TENM3: variants seen among roughly 807,000 people sequenced by gnomAD.
TENM3 encodes teneurin transmembrane protein 3.
A neutral mutation model predicts 255.1 loss-of-function variants in TENM3; 63 were observed. The observed-to-expected ratio is 0.25, with a 90% confidence interval of 0.20 to 0.30. TENM3 has a LOEUF of 0.30. Ranked by LOEUF, TENM3 falls within the 10% of genes least tolerant of loss-of-function variation. The pLI is 1.00. For missense variants in TENM3, 2,929 were observed against 3,461.1 expected (o/e 0.85, Z 3.86); for synonymous variants, 1,306 against 1,322.3 (o/e 0.99, Z 0.27).
chr4:181,909,700 T>C, the TENM3 span, among the ~76,000 whole-genome samples: 421 of 152,122 alleles, frequency 2.8e-3, no homozygotes, highest in African/African-American at 9.6e-3. Context: ...CCAATCCTTT[T>C]ATGTCTACAC....
the TENM3 span, among the ~76,000 whole-genome samples, chr4:182,041,493 T>C: frequency 1.3e-5 from 2 of 152,214 alleles, no homozygotes; most frequent in African/African-American, 4.8e-5. Context: ...CCTGCAAACA[T>C]TGTTCCTATG....
At chr4:182,633,858 G>T (rs1239121020) in intron 5 of TENM3, among the ~76,000 whole-genome samples, 1 of 152,186 alleles carries the variant, frequency 6.6e-6, no homozygotes, top group African/African-American at 2.4e-5. Context: ...GAGTGAAAAG[G>T]AGTCACATTT....
At chr4:182,521,441 G>T (rs1738560707) in intron 3 of TENM3, among the ~76,000 whole-genome samples, 2 of 152,176 alleles carry the variant, frequency 1.3e-5, no homozygotes, top group South Asian at 4.1e-4. Flanking sequence ...TTGGAACAAT[G>T]CTTTTTCATA....
chr4:182,227,637 CTT>C (rs531262242), intron 1 of TENM3, among the ~76,000 whole-genome samples: 21 of 127,234 alleles, frequency 1.7e-4, no homozygotes, highest in African/African-American at 2.6e-4. Flanking sequence ...ATGTGCAGGG[CTT>C]TTTTTTTTTT....
chr4:182,563,452 C>A (rs1344072913), intron 3 of TENM3, among the ~76,000 whole-genome samples: 1 of 151,912 alleles, frequency 6.6e-6, no homozygotes, highest in Non-Finnish European at 1.5e-5. Flanking sequence ...AGAATTTAGG[C>A]TTAGAGAGGG....
At chr4:181,963,843 G>A in the TENM3 span, among the ~76,000 whole-genome samples, 241 of 152,240 alleles carry the variant, frequency 1.6e-3, no homozygotes, top group Middle Eastern at 6.8e-3. Flanking sequence ...TTCATAAAGA[G>A]TCCCGTGTGT....
chr4:181,571,790 A>G, the TENM3 span, among the ~76,000 whole-genome samples: 1 of 152,216 alleles, frequency 6.6e-6, no homozygotes, highest in Non-Finnish European at 1.5e-5. Flanking sequence ...TTTATTAGGC[A>G]TAACTTACAA....
At chr4:181,712,492 A>G in the TENM3 span, among the ~76,000 whole-genome samples, 9 of 152,164 alleles carry the variant, frequency 5.9e-5, no homozygotes, top group Non-Finnish European at 1.2e-4. Flanking sequence ...AGCATAGCCG[A>G]TGCCAGTATC....
chr4:182,477,942 AC>A (rs1733833664), intron 3 of TENM3, among the ~76,000 whole-genome samples: 1 of 152,182 alleles, frequency 6.6e-6, no homozygotes, highest in Non-Finnish European at 1.5e-5. Flanking sequence ...CTAATTTGGT[AC>A]AAAGCAGAAC....
chr4:182,597,185 T>C (rs1413282016), intron 3 of TENM3, among the ~76,000 whole-genome samples: 1 of 152,146 alleles, frequency 6.6e-6, no homozygotes. Context: ...GGAGGATCGC[T>C]TGAGCCCAGG....
chr4:182,541,647 A>C (rs1237510254), intron 3 of TENM3, among the ~76,000 whole-genome samples: 1 of 152,230 alleles, frequency 6.6e-6, no homozygotes, highest in Non-Finnish European at 1.5e-5. Context: ...CATTACTAGC[A>C]ATTCAGCACT....
chr4:181,574,601 G>A, the TENM3 span, among the ~76,000 whole-genome samples: 27,619 of 151,956 alleles, frequency 0.18, 2,819 homozygotes, highest in Non-Finnish European at 0.24. Flanking sequence ...AAGTAAGTGA[G>A]TTCAACAAAG....
the TENM3 span, among the ~76,000 whole-genome samples, chr4:181,461,633 G>A: frequency 1.6e-3 from 241 of 152,140 alleles, no homozygotes; most frequent in South Asian, 0.012. Flanking sequence ...CTATTGCAAT[G>A]TATTATCTGC....
intron 4 of TENM3, among the ~76,000 whole-genome samples, chr4:182,612,499 A>C (rs537468657): frequency 6.6e-6 from 1 of 152,294 alleles, no homozygotes; most frequent in East Asian, 1.9e-4. Flanking sequence ...AATATTATAA[A>C]AGCTTAATAT....
intron 3 of TENM3, among the ~76,000 whole-genome samples, chr4:182,523,284 T>C (rs149144831): frequency 4.8e-4 from 73 of 152,230 alleles, no homozygotes; most frequent in African/African-American, 1.7e-3. Context: ...ACACAGTTCA[T>C]AGACCAAAGG....
the TENM3 span, among the ~76,000 whole-genome samples, chr4:181,896,673 T>C: frequency 7.2e-5 from 11 of 152,284 alleles, no homozygotes; most frequent in Admixed American, 2.0e-4. Context: ...TGGGGTGTAT[T>C]TGATGAGAGT....
intron 3 of TENM3, among the ~76,000 whole-genome samples, chr4:182,554,779 C>T (rs1742415542): frequency 6.6e-6 from 1 of 151,906 alleles, no homozygotes; most frequent in African/African-American, 2.4e-5. Context: ...GCCCATGTCA[C>T]CAGAATCAAG....
At chr4:181,680,976 T>C in the TENM3 span, among the ~76,000 whole-genome samples, 1 of 152,120 alleles carries the variant, frequency 6.6e-6, no homozygotes, top group African/African-American at 2.4e-5. Context: ...GAAGATAAAC[T>C]GAACATTATC....
chr4:181,927,927 G>A, the TENM3 span, among the ~76,000 whole-genome samples: 4,591 of 152,286 alleles, frequency 0.03, 85 homozygotes, highest in South Asian at 0.044. Flanking sequence ...CAGACCTGCA[G>A]CAGAGAGGCC....
Sources: gnomAD v4.1 joint callset for allele counts (sites outside exome capture counted in the v4.1 genomes callset) on GRCh38, gnomAD v4.1.1 for gene constraint, MANE v1.5 for transcripts, NCBI Gene and HGNC (gene_info 2026-07-23, HGNC 2026-07-21) for gene names.